NBEA: variants seen among roughly 807,000 people sequenced by gnomAD.
NBEA encodes neurobeachin, also known as lysosomal-trafficking regulator 2.
A neutral mutation model predicts 343.4 loss-of-function variants in NBEA; 44 were observed. The ratio of observed to expected loss-of-function variants is 0.13; its 90% CI spans 0.10 to 0.16. NBEA has a LOEUF of 0.16. NBEA is among the 10% of genes least tolerant of loss of function. The probability of loss-of-function intolerance (pLI) is 1.00; values close to 1 mark genes in which losing one functional copy is unlikely to be tolerated. For synonymous variants in NBEA, 1,175 were observed against 1,238.7 expected, an observed-to-expected ratio of 0.95 and a Z score of 1.08; for missense variants, 2,555 against 3,631.3, an observed-to-expected ratio of 0.70 and a Z score of 7.62.
Position 34,979,278 on chromosome 13 carries a change from G to A in NBEA, c.294+36164G>A, listed in dbSNP as rs543691568. Among the ~76,000 whole-genome samples the A allele has an allele frequency of 7.2e-5, 11 of 152,116 alleles. 1 individual carries two copies. Among genetic ancestry groups the A allele is most frequent in the South Asian group, 6.2e-4 (3 of 4,810 alleles). ...GGCACAGTGGTTCACACCTGACTTC[G>A]GGAGGCCAAGGCAGGCAGATCATCT... On this transcript the variant is annotated intron_variant, in intron 1 of 58. Transcript: ENST00000379939.
chr13:35,218,938 A>G (rs2074218036), intron 33 of NBEA, among the ~76,000 whole-genome samples: 1 of 152,014 alleles, frequency 6.6e-6, no homozygotes, highest in Admixed American at 6.6e-5. Context: ...AGTAAACTTC[A>G]CAAGCAAAGA....
intron 34 of NBEA, among the ~76,000 whole-genome samples, chr13:35,240,426 T>C (rs896924495): frequency 3.3e-5 from 5 of 151,826 alleles, no homozygotes; most frequent in African/African-American, 1.2e-4. Flanking sequence ...GCTAGACAAT[T>C]AGATAGGAAA....
chr13:35,064,095 A>C (rs1593230428), intron 8 of NBEA, among the ~76,000 whole-genome samples: 1 of 152,214 alleles, frequency 6.6e-6, no homozygotes, highest in South Asian at 2.1e-4. Flanking sequence ...AAATGTAAAA[A>C]TGAAGAACGT....
At position 35,490,624 on chromosome 13, in the gene NBEA, C is replaced by T. The variant is rs565967245; in HGVS notation, c.6585+18088C>T. Among the ~76,000 whole-genome samples, 27 of 152,052 alleles carry T rather than the reference C, an allele frequency of 1.8e-4. 1 individual carries two copies. The South Asian group carries it at 5.2e-3, about 29-fold the overall frequency. On this transcript the variant is annotated intron_variant, in intron 41 of 58. Coordinates refer to ENST00000379939, the MANE Select transcript of NBEA (RefSeq NM_001385012.1). ...AGGAACTTGATGAAAAGTTGCAGGT[C>T]ATTTTTTTAAGAACATTTTTACATC...
intron 48 of NBEA, among the ~76,000 whole-genome samples, chr13:35,615,228 C>G (rs2082688011): frequency 1.4e-5 from 2 of 140,322 alleles, no homozygotes; most frequent in South Asian, 4.4e-4. Flanking sequence ...CCCAGGTGGA[C>G]AGTGAGGCAA....
intron 10 of NBEA, among the ~76,000 whole-genome samples, chr13:35,085,737 A>G (rs1006121117): frequency 6.6e-6 from 1 of 152,156 alleles, no homozygotes; most frequent in Admixed American, 6.6e-5. Flanking sequence ...GGCCAGGGCA[A>G]TCAGGCAGGA....
intron 41 of NBEA, among the ~76,000 whole-genome samples, chr13:35,543,952 A>G (rs1316940343): frequency 6.6e-6 from 1 of 152,120 alleles, no homozygotes; most frequent in Non-Finnish European, 1.5e-5. Flanking sequence ...GGGCCTTGGA[A>G]TCTTCTCCAT....
chr13:34,942,962 G>A lies in NBEA; in HGVS notation c.142G>A (p.Ala48Thr), dbSNP rs1265698121. The A allele has an allele frequency of 5.0e-6, 8 of 1,599,730 alleles. No homozygotes were observed. The highest frequency in any genetic ancestry group is 3.4e-5 in the Admixed American group (2 of 59,162). ...GGSGMGELRG[A>T]SGSGSVMLPA... ...CAGCGGGATGGGGGAGCTAAGGGGG[G>A]CGTCCGGCTCCGGCTCGGTGATGCT... Residue 48 changes from alanine (A) to threonine (T), a missense_variant, in exon 1 of 59, where the codon GCG becomes ACG. Physicochemically the swap from Ala to Thr is moderately conservative, Grantham distance 58. Coordinates refer to ENST00000379939, the MANE Select transcript of NBEA (RefSeq NM_001385012.1).
intron 38 of NBEA, among the ~76,000 whole-genome samples, chr13:35,407,617 C>T (rs1267421865): frequency 4.0e-5 from 6 of 151,844 alleles, no homozygotes; most frequent in Non-Finnish European, 8.8e-5. Context: ...ATCAAAAAGA[C>T]ATGTGTCTGT....
At chr13:35,256,493 C>T (rs1256227103) in intron 34 of NBEA, among the ~76,000 whole-genome samples, 1 of 152,182 alleles carries the variant, frequency 6.6e-6, no homozygotes, top group East Asian at 1.9e-4. Flanking sequence ...TCAGGCCATT[C>T]CTGGCTTGAA....
At chr13:35,024,141 A>G (rs936531641) in intron 1 of NBEA, among the ~76,000 whole-genome samples, 2 of 152,148 alleles carry the variant, frequency 1.3e-5, no homozygotes, top group East Asian at 1.9e-4. Context: ...AATAGCCTCT[A>G]GCTGCAACCA....
At chr13:34,947,650 C>G (rs1779951497) in intron 1 of NBEA, among the ~76,000 whole-genome samples, 1 of 152,132 alleles carries the variant, frequency 6.6e-6, no homozygotes, top group Non-Finnish European at 1.5e-5. Context: ...GCTGTGAACT[C>G]CATGAGGGCA....
At chr13:35,232,820 A>G (rs919709235) in intron 34 of NBEA, among the ~76,000 whole-genome samples, 3 of 152,064 alleles carry the variant, frequency 2.0e-5, no homozygotes, top group African/African-American at 4.8e-5. Flanking sequence ...CCAGTAAGAA[A>G]ACTTTGAAGA....
intron 49 of NBEA, among the ~76,000 whole-genome samples, chr13:35,632,602 C>T (rs1320751661): frequency 1.3e-5 from 2 of 151,904 alleles, no homozygotes; most frequent in African/African-American, 4.8e-5. Flanking sequence ...TCACCCCTCC[C>T]CTTGTATTTT....
chr13:35,495,152 T>C (rs1420738669), intron 41 of NBEA, among the ~76,000 whole-genome samples: 1 of 151,890 alleles, frequency 6.6e-6, no homozygotes, highest in African/African-American at 2.4e-5. Flanking sequence ...AAGATACAGA[T>C]AGGTTGAAAA....
chr13:35,334,004 G>C (rs1032256402), intron 36 of NBEA, among the ~76,000 whole-genome samples: 1 of 151,878 alleles, frequency 6.6e-6, no homozygotes, highest in Admixed American at 6.6e-5. Flanking sequence ...TGCAACAGAC[G>C]TAAGAGTGTA....
intron 36 of NBEA, among the ~76,000 whole-genome samples, chr13:35,311,547 C>T (rs375077877): frequency 2.1e-4 from 32 of 152,138 alleles, no homozygotes; most frequent in Middle Eastern, 6.8e-3. Flanking sequence ...AAAGTAGTCA[C>T]AATTTTAAAA....
At chr13:35,253,202 G>A (rs1430116595) in intron 34 of NBEA, among the ~76,000 whole-genome samples, 1 of 152,088 alleles carries the variant, frequency 6.6e-6, no homozygotes, top group East Asian at 1.9e-4. Flanking sequence ...TATATACCCA[G>A]GAATACTTCT....
intron 36 of NBEA, among the ~76,000 whole-genome samples, chr13:35,348,336 T>A (rs2039998222): frequency 6.6e-6 from 1 of 152,118 alleles, no homozygotes; most frequent in Admixed American, 6.6e-5. Flanking sequence ...AATATATTTG[T>A]ATTTTTATTT....
Sources: allele counts gnomAD v4.1 joint callset (sites outside exome capture counted in the v4.1 genomes callset), GRCh38; gene constraint gnomAD v4.1.1; transcripts MANE v1.5; gene names NCBI Gene and HGNC (gene_info 2026-07-23, HGNC 2026-07-21).